SYN3: variants seen among roughly 807,000 people sequenced by gnomAD.
SYN3 encodes the protein synapsin III, also known as synapsin-3.
Under a neutral mutation model 65.8 loss-of-function variants are expected in SYN3, and 35 were observed. The observed-to-expected ratio is 0.53, with a 90% CI of 0.41 to 0.70. The LOEUF (loss-of-function observed/expected upper bound fraction) is 0.70, where lower values mean the gene tolerates loss of function less well. SYN3 is among the 30% of genes least tolerant of loss of function. The pLI is 0.00. For missense variants in SYN3, 680 were observed against 749.0 expected, an observed-to-expected ratio of 0.91 and a Z score of 1.08; for synonymous variants, 270 against 292.9, an observed-to-expected ratio of 0.92 and a Z score of 0.80.
At chr22:32,718,898 A>G (rs1413813585) in intron 6 of SYN3, among the ~76,000 whole-genome samples, 1 of 152,198 alleles carries the variant, frequency 6.6e-6, no homozygotes, top group African/African-American at 2.4e-5. Flanking sequence ...TTTCTCCTCT[A>G]CATCCAACTT....
chr22:32,881,958 G>A (rs1241015698), intron 4 of SYN3, among the ~76,000 whole-genome samples: 1 of 151,898 alleles, frequency 6.6e-6, no homozygotes, highest in Non-Finnish European at 1.5e-5. Context: ...CGGAGACTGA[G>A]GCAGGGGAAT....
At chr22:32,743,993 G>A (rs1193545180) in intron 6 of SYN3, among the ~76,000 whole-genome samples, 1 of 152,110 alleles carries the variant, frequency 6.6e-6, no homozygotes, top group Non-Finnish European at 1.5e-5. Flanking sequence ...GAGAGAATAA[G>A]AGGTACCACA....
chr22:33,027,085 C>T (rs912499008), intron 1 of SYN3, among the ~76,000 whole-genome samples: 1 of 152,064 alleles, frequency 6.6e-6, no homozygotes, highest in African/African-American at 2.4e-5. Context: ...GAATCTGAAA[C>T]AGACTTGAGA....
chr22:32,572,665 C>T (rs1313070836), intron 7 of SYN3, among the ~76,000 whole-genome samples: 1 of 151,670 alleles, frequency 6.6e-6, no homozygotes, highest in Non-Finnish European at 1.5e-5. Context: ...TCACCGCAGC[C>T]TTGACCCCCT....
At chr22:32,877,161 C>T (rs771933650) in intron 4 of SYN3, among the ~76,000 whole-genome samples, 1 of 152,176 alleles carries the variant, frequency 6.6e-6, no homozygotes, top group African/African-American at 2.4e-5. Flanking sequence ...ACAATTGCTC[C>T]GAGGTCACTT....
intron 6 of SYN3, among the ~76,000 whole-genome samples, chr22:32,658,034 C>T (rs1391656421): frequency 6.6e-6 from 1 of 152,140 alleles, no homozygotes; most frequent in Non-Finnish European, 1.5e-5. Flanking sequence ...ATGAAGGTAG[C>T]CTTGTTAAAG....
intron 6 of SYN3, among the ~76,000 whole-genome samples, chr22:32,653,265 GA>G (rs67258911): frequency 0.2 from 26,832 of 133,558 alleles, 3,303 homozygotes; most frequent in East Asian, 0.7. Flanking sequence ...TTCCTTAAAA[GA>G]AAAAAAAAAA....
At chr22:32,689,879 TA>T (rs2060639777) in intron 6 of SYN3, among the ~76,000 whole-genome samples, 1 of 152,220 alleles carries the variant, frequency 6.6e-6, no homozygotes, top group African/African-American at 2.4e-5. Flanking sequence ...AGTGCCCTTA[TA>T]AAAGAGGCCC....
rs1555914434 is a variant in SYN3, at chr22:32,644,101, A to AG, written c.712-47366_712-47365insC. Among the ~76,000 whole-genome samples the AG allele has an allele frequency of 2.4e-3, 169 of 71,220 alleles. 39 individuals carry two copies. Among genetic ancestry groups the AG allele is most frequent in the Middle Eastern group, 0.017 (2 of 120 alleles). 46.7% of individuals were successfully genotyped at this position (71,220 alleles called of 152,430 possible). ...AAAAAAAAAAAAAAAAAAAAAAAAA[A>AG]AGCGACAAGACTGACTGATGATGGG... On this transcript the variant is annotated intron_variant, in intron 6 of 13. Transcript: ENST00000358763.
At chr22:32,725,924 T>C (rs1601992342) in intron 6 of SYN3, among the ~76,000 whole-genome samples, 1 of 152,340 alleles carries the variant, frequency 6.6e-6, no homozygotes, top group Non-Finnish European at 1.5e-5. Context: ...ATTTTTTGCA[T>C]AATCCCCAAA....
intron 1 of SYN3, among the ~76,000 whole-genome samples, chr22:33,036,567 C>G (rs919962858): frequency 6.6e-6 from 1 of 152,006 alleles, no homozygotes; most frequent in Non-Finnish European, 1.5e-5. Context: ...CTTCTATCAG[C>G]TTCCCCATAT....
intron 9 of SYN3, among the ~76,000 whole-genome samples, chr22:32,537,597 G>A (rs182217675): frequency 3.9e-5 from 6 of 152,304 alleles, no homozygotes; most frequent in Admixed American, 6.5e-5. Flanking sequence ...ATGGAAGGAC[G>A]CTTGAGAGAG....
chr22:32,687,339 T>G (rs2060604766), intron 6 of SYN3, among the ~76,000 whole-genome samples: 6 of 151,934 alleles, frequency 3.9e-5, no homozygotes, highest in Non-Finnish European at 1.5e-5. Flanking sequence ...ATTTTCTGTA[T>G]TTTTAGTAGA....
At chr22:32,830,205 C>T (rs1293512332) in intron 6 of SYN3, among the ~76,000 whole-genome samples, 1 of 152,186 alleles carries the variant, frequency 6.6e-6, no homozygotes, top group Non-Finnish European at 1.5e-5. Context: ...GCCCTCTAGC[C>T]TCTTCACTGT....
Position 32,865,971 on chromosome 22 carries a change from C to T in SYN3, c.622-967G>A, listed in dbSNP as rs1013297746. ...CATTGAGACTAATGTATGCTGGAGA[C>T]CCTCTGCAGCTGCCATGCTGTGGCG... On this transcript the variant is annotated intron_variant, in intron 5 of 13. Coordinates refer to ENST00000358763, the MANE Select transcript of SYN3 (RefSeq NM_003490.4). Among the ~76,000 whole-genome samples the T allele has an allele frequency of 4.6e-5, 7 of 152,190 alleles. No homozygotes were observed. The Middle Eastern group carries it at 0.014, about 296-fold the overall frequency.
chr22:32,992,137 G>A (rs947505815), intron 2 of SYN3, among the ~76,000 whole-genome samples: 1 of 152,260 alleles, frequency 6.6e-6, no homozygotes, highest in South Asian at 2.1e-4. Context: ...GTGAAACGCT[G>A]AAACTCCTCA....
chr22:32,644,709 G>A (rs899176106), intron 6 of SYN3, among the ~76,000 whole-genome samples: 5 of 152,184 alleles, frequency 3.3e-5, no homozygotes, highest in African/African-American at 1.2e-4. Context: ...TTGTGTACCA[G>A]AGCCTGGCAG....
chr22:32,631,523 A>G (rs2059747971), intron 6 of SYN3, among the ~76,000 whole-genome samples: 1 of 152,158 alleles, frequency 6.6e-6, no homozygotes, highest in African/African-American at 2.4e-5. Flanking sequence ...GAGTCAAGTA[A>G]TTTCACAGAT....
At chr22:32,860,327 G>C (rs930539425) in intron 6 of SYN3, 2 of 152,624 alleles carry the variant, frequency 1.3e-5, no homozygotes, top group Non-Finnish European at 2.9e-5. Context: ...GATTTGGGTA[G>C]AGGATACTAT....
Sources: allele counts gnomAD v4.1 joint callset (sites outside exome capture counted in the v4.1 genomes callset), GRCh38; gene constraint gnomAD v4.1.1; transcripts MANE v1.5; gene names NCBI Gene and HGNC (gene_info 2026-07-23, HGNC 2026-07-21).